The following FUT8 variants were observed in gnomAD, a reference collection of about 807,000 sequenced individuals.
FUT8 encodes alpha-(1,6)-fucosyltransferase.
A neutral mutation model predicts 71.3 loss-of-function variants in FUT8; 29 were observed. That is an observed-to-expected ratio of 0.41 (90% CI 0.30 to 0.55). The LOEUF (loss-of-function observed/expected upper bound fraction) is 0.55, where lower values mean the gene tolerates loss of function less well. Among genes scored for constraint, FUT8 ranks in the 20% least tolerant of loss-of-function variants. The pLI, the probability that FUT8 is intolerant of heterozygous loss-of-function variation, is 0.34. For synonymous variants in FUT8, 254 were observed against 239.3 expected, an observed-to-expected ratio of 1.06 and a Z score of -0.57; for missense variants, 544 against 702.1, an observed-to-expected ratio of 0.77 and a Z score of 2.55.
chr14:65,419,153 G>A (rs924717638), intron 1 of FUT8, among the ~76,000 whole-genome samples: 3 of 151,916 alleles, frequency 2.0e-5, no homozygotes, highest in Non-Finnish European at 2.9e-5. Flanking sequence ...ACTTGAACCC[G>A]GGAGGCTGAG....
At chr14:65,577,881 A>G (rs943932773) in intron 3 of FUT8, among the ~76,000 whole-genome samples, 2 of 152,084 alleles carry the variant, frequency 1.3e-5, no homozygotes, top group Non-Finnish European at 2.9e-5. Context: ...TAACTGGACA[A>G]TATGATTTTT....
Position 65,464,392 on chromosome 14 carries a change from A to T in FUT8, c.-228+8674A>T, listed in dbSNP as rs547476924. 5.3e-5 allele frequency among the ~76,000 whole-genome samples: 8 copies of T among 150,884 alleles called. No homozygotes were observed. In the South Asian group the frequency reaches 1.5e-3, roughly 28 times the overall value. ...TGCATTAGCTAGGATGTCCAGTATG[A>T]TGTTGAATAGGAGTGGTAAGAAGGG... On this transcript the variant is annotated intron_variant, in intron 2 of 10. Transcript: ENST00000673929.
intron 5 of FUT8, among the ~76,000 whole-genome samples, chr14:65,618,620 TAGAA>T (rs1889433651): frequency 6.6e-6 from 1 of 152,172 alleles, no homozygotes; most frequent in Admixed American, 6.5e-5. Context: ...GACGTACAAA[TAGAA>T]AGGACTTTTA....
intron 2 of FUT8, among the ~76,000 whole-genome samples, chr14:65,510,295 A>G (rs1882248536): frequency 1.3e-5 from 2 of 152,100 alleles, no homozygotes. Context: ...GTCATGATGA[A>G]TGATCTTTTT....
intron 7 of FUT8, among the ~76,000 whole-genome samples, chr14:65,688,291 T>A (rs1337880426): frequency 6.6e-6 from 1 of 152,152 alleles, no homozygotes; most frequent in Non-Finnish European, 1.5e-5. Flanking sequence ...ACTAATCTTT[T>A]AAATCTCCAC....
In FUT8 at chr14:65,492,677, G is replaced by A. The variant is rs533480430; in HGVS notation, c.-228+36959G>A. On this transcript the variant is annotated intron_variant, in intron 2 of 10. Transcript: ENST00000673929. Reference sequence around the variant, plus strand: ...TTTTCTTTTATCAAGTACCTAATATGTCAGACGCAGTGTTGTAGACTTTAG... The same window carrying A: ...TTTTCTTTTATCAAGTACCTAATATATCAGACGCAGTGTTGTAGACTTTAG... Among the ~76,000 whole-genome samples, 6 of 152,168 alleles carry A rather than the reference G, an allele frequency of 3.9e-5. No individual in the cohort carries two copies. In the South Asian group the frequency reaches 1.2e-3, roughly 32 times the overall value.
chr14:65,618,868 G>A (rs1310831688), intron 5 of FUT8, among the ~76,000 whole-genome samples: 5 of 152,150 alleles, frequency 3.3e-5, no homozygotes, highest in African/African-American at 4.8e-5. Flanking sequence ...GCCCTCCTGA[G>A]TCTTGGGCTC....
intron 5 of FUT8, chr14:65,617,034 A>C (rs971423802): frequency 6.5e-7 from 1 of 1,544,124 alleles, no homozygotes; most frequent in African/African-American, 1.4e-5. Flanking sequence ...ATCATTATAA[A>C]TACAGTGAAA....
At chr14:65,516,027 G>A (rs778546842) in intron 2 of FUT8, among the ~76,000 whole-genome samples, 4 of 152,050 alleles carry the variant, frequency 2.6e-5, no homozygotes, top group African/African-American at 9.7e-5. Context: ...AGCTGGTTGT[G>A]GTAATGTGTG....
At chr14:65,572,460 T>C (rs1371161012) in intron 3 of FUT8, among the ~76,000 whole-genome samples, 2 of 152,186 alleles carry the variant, frequency 1.3e-5, no homozygotes, top group Non-Finnish European at 1.5e-5. Flanking sequence ...CAACTGTGAG[T>C]GATGAATGTG....
chr14:65,459,987 A>G (rs2065948554), intron 2 of FUT8, among the ~76,000 whole-genome samples: 1 of 152,360 alleles, frequency 6.6e-6, no homozygotes, highest in Non-Finnish European at 1.5e-5. Context: ...TGGATATTTG[A>G]TAGATAGGCT....
intron 7 of FUT8, among the ~76,000 whole-genome samples, chr14:65,703,024 C>T (rs919513139): frequency 8.5e-5 from 13 of 152,188 alleles, no homozygotes; most frequent in Admixed American, 3.9e-4. Flanking sequence ...GGATTACAGA[C>T]GTTAGCCACT....
At chr14:65,473,528 T>C (rs2139646366) in intron 2 of FUT8, among the ~76,000 whole-genome samples, 1 of 152,340 alleles carries the variant, frequency 6.6e-6, no homozygotes, top group African/African-American at 2.4e-5. Flanking sequence ...AAAATTGTAG[T>C]TTTGTGACTA....
intron 3 of FUT8, among the ~76,000 whole-genome samples, chr14:65,575,992 C>T (rs964287154): frequency 6.6e-6 from 1 of 152,048 alleles, no homozygotes; most frequent in African/African-American, 2.4e-5. Flanking sequence ...AACAGTTGGC[C>T]GCAAGTAAGT....
chr14:65,630,317 A>C (rs1890116137), intron 6 of FUT8, among the ~76,000 whole-genome samples: 1 of 152,214 alleles, frequency 6.6e-6, no homozygotes. Context: ...GACCCTTTAA[A>C]ATTAATTTCA....
intron 1 of FUT8, among the ~76,000 whole-genome samples, chr14:65,446,410 C>A (rs1272797232): frequency 6.6e-6 from 1 of 152,152 alleles, no homozygotes; most frequent in African/African-American, 2.4e-5. Context: ...GGATGACTCT[C>A]TTTGTGACGT....
upstream of FUT8, among the ~76,000 whole-genome samples, chr14:65,409,387 C>T (rs2065101133): frequency 6.6e-6 from 1 of 152,232 alleles, no homozygotes; most frequent in Non-Finnish European, 1.5e-5. The surrounding 1 kb of genome is among the most constrained non-coding windows in gnomAD (Gnocchi z 5.4). Flanking sequence ...CTTGCTGGAA[C>T]TCCACAGATC....
chr14:65,544,477 G>A (rs1046644680), intron 2 of FUT8, among the ~76,000 whole-genome samples: 3 of 152,014 alleles, frequency 2.0e-5, no homozygotes, highest in Non-Finnish European at 2.9e-5. Flanking sequence ...GGAGAAAATG[G>A]TGATATATAT....
the FUT8 span, among the ~76,000 whole-genome samples, chr14:65,366,803 G>A: frequency 1.3e-5 from 2 of 152,292 alleles, no homozygotes; most frequent in South Asian, 2.1e-4. Flanking sequence ...TGTACAGTCA[G>A]TTAAAAGGTT....
Sources: gnomAD v4.1 joint callset for allele counts (sites outside exome capture counted in the v4.1 genomes callset) on GRCh38, gnomAD v4.1.1 for gene constraint, Gnocchi (gnomAD v3.1) non-coding constraint, MANE v1.5 for transcripts, NCBI Gene and HGNC (gene_info 2026-07-23, HGNC 2026-07-21) for gene names.